ADGRG4: variants seen among roughly 807,000 people sequenced by gnomAD.
The protein encoded by ADGRG4 is G protein-coupled receptor 112.
In ADGRG4, 122 loss-of-function variants were observed where a neutral mutation model predicts 126.2. The ratio of observed to expected loss-of-function variants is 0.97; its 90% CI spans 0.83 to 1.12. The LOEUF (loss-of-function observed/expected upper bound fraction) is 1.12, where lower values mean the gene tolerates loss of function less well. Among genes scored for constraint, ADGRG4 ranks in the 50% most tolerant of loss-of-function variants. ADGRG4 has a pLI of 0.00. For missense variants in ADGRG4, 2,481 were observed against 2,251.8 expected (o/e 1.10, Z -2.06); for synonymous variants, 943 against 838.7 (o/e 1.12, Z -2.15).
chrX:136,375,041 C>T (rs1454711759), intron 15 of ADGRG4, among the ~76,000 whole-genome samples: 3 of 110,632 alleles, frequency 2.7e-5, no homozygotes, highest in Non-Finnish European at 5.7e-5. Flanking sequence ...CCCCCCACCA[C>T]TCTTTCCCTT....
chrX:136,367,862 TCA>T (rs1428527958), intron 13 of ADGRG4, among the ~76,000 whole-genome samples: 1 of 112,695 alleles, frequency 8.9e-6, no homozygotes, highest in Non-Finnish European at 1.9e-5. Context: ...CTCTTTAATA[TCA>T]CAGAGTTAGA....
rs1298720705 is a variant in ADGRG4, at chrX:136,393,562, T to G, written c.8062T>G (p.Trp2688Gly). 1 of 1,204,340 alleles carries G rather than the reference T, an allele frequency of 8.3e-7. No individual in the cohort carries two copies. The highest frequency in any genetic ancestry group is 2.2e-5 in the Admixed American group (1 of 45,832). Residue 2688 changes from tryptophan (W) to glycine (G), a missense_variant, in exon 18 of 26, where the codon TGG becomes GGG. Physicochemically the swap from Trp to Gly is radical, Grantham distance 184. Coordinates refer to ENST00000394143, the MANE Select transcript of ADGRG4 (RefSeq NM_153834.4). The stretch of plus-strand genomic sequence containing the variant: ...TTATGGTCAAGTTCACTGTGCCTTT[T>G]GGGATTTTGAGAATAATAGTAAGTA... ...QNYGQVHCAF[W>G]DFENNNGLGG...
intron 14 of ADGRG4, 55 bp from the exon 15 acceptor site, chrX:136,372,847 A>G: frequency 5.3e-6 from 6 of 1,128,259 alleles, no homozygotes; most frequent in Non-Finnish European, 7.3e-6. Flanking sequence ...TGCAAGGAGG[A>G]TGGGTTTTAC....
chrX:136,308,486 C>G (rs1453940220), intron 3 of ADGRG4, among the ~76,000 whole-genome samples: 1 of 112,081 alleles, frequency 8.9e-6, no homozygotes, highest in African/African-American at 3.2e-5. Flanking sequence ...AGATGTGTGT[C>G]TTGTCTTCTC....
chrX:136,301,487 G>A (rs1358652191), intron 1 of ADGRG4, among the ~76,000 whole-genome samples: 1 of 111,561 alleles, frequency 9.0e-6, no homozygotes, highest in Non-Finnish European at 1.9e-5. Flanking sequence ...CTGGATATTA[G>A]CCCTTTGTCA....
At position 136,416,616 on chromosome X, in the gene ADGRG4, G is replaced by A. The variant is rs923487137; in HGVS notation, c.*125G>A. 7.0e-6 allele frequency: 3 copies of A among 430,042 alleles called. No individual in the cohort carries two copies. The African/African-American group carries it at 7.7e-5, about 11-fold the overall frequency. The allele number at this position is 430,042 out of a possible 1,213,427, so 35.4% of individuals were successfully genotyped here. ...ATCTCACAAATCACCACTAAATAAT[G>A]TACTCATGTAACCAAATGCTACCTG... On this transcript the variant is annotated 3_prime_UTR_variant, in exon 26 of 26. Coordinates refer to ENST00000394143, the MANE Select transcript of ADGRG4 (RefSeq NM_153834.4).
intron 16 of ADGRG4, among the ~76,000 whole-genome samples, chrX:136,388,403 A>C (rs1230448941): frequency 8.9e-6 from 1 of 111,911 alleles, no homozygotes; most frequent in Non-Finnish European, 1.9e-5. Flanking sequence ...AAGAGTGTGG[A>C]CTCAGGGGCA....
At position 136,408,139 on chromosome X, in the gene ADGRG4, C is replaced by A. The variant is rs527792888; in HGVS notation, c.8935+2167C>A. Among the ~76,000 whole-genome samples, 5 of 111,979 alleles carry A rather than the reference C, an allele frequency of 4.5e-5. No individual in the cohort carries two copies. The South Asian group carries it at 1.9e-3, about 42-fold the overall frequency. ...GGAGGGGCAGGGGTGTTTTCAAAAC[C>A]ACTCTTATGGTGGAAAGTAGCATCT... On this transcript the variant is annotated intron_variant, in intron 23 of 25. Coordinates refer to ENST00000394143, the MANE Select transcript of ADGRG4 (RefSeq NM_153834.4).
chrX:136,372,839 C>G, intron 14 of ADGRG4, 63 bp from the exon 15 acceptor site: 1 of 1,090,374 alleles, frequency 9.2e-7, no homozygotes, highest in African/African-American at 1.8e-5. Context: ...GGAAATCTTG[C>G]AAGGAGGATG....
At chrX:136,307,611 T>A (rs190395284) in intron 3 of ADGRG4, among the ~76,000 whole-genome samples, 1 of 112,810 alleles carries the variant, frequency 8.9e-6, no homozygotes, top group African/African-American at 3.2e-5. Flanking sequence ...ACTTCCTAAT[T>A]GGCTTCTGTT....
intron 21 of ADGRG4, among the ~76,000 whole-genome samples, chrX:136,402,568 T>C (rs2075384749): frequency 8.9e-6 from 1 of 111,887 alleles, no homozygotes; most frequent in South Asian, 3.7e-4. Flanking sequence ...TGTAGGTGCA[T>C]GCGCTTAGTC....
At chrX:136,351,827 C>G (rs1383248554) in intron 7 of ADGRG4, among the ~76,000 whole-genome samples, 2 of 110,869 alleles carry the variant, frequency 1.8e-5, no homozygotes, top group Non-Finnish European at 3.8e-5. Flanking sequence ...GACACAAATT[C>G]TGAGTCTTTG....
intron 5 of ADGRG4, among the ~76,000 whole-genome samples, chrX:136,334,519 T>C (rs1161395889): frequency 1.8e-5 from 2 of 112,216 alleles, no homozygotes; most frequent in East Asian, 2.8e-4. Context: ...TTGGATTATA[T>C]CTGTATATCA....
chrX:136,351,457 C>T lies in ADGRG4; in HGVS notation c.6738C>T (p.Tyr2246=). ...PTATKSTVSF[Y]NVEMSFSVFV... Reference sequence around the variant, plus strand: ...TATTTTTAATTACAGTTTCCTTCTACAATGTTGAAATGAGCTTCTCTGTCT... The same window carrying T: ...TATTTTTAATTACAGTTTCCTTCTATAATGTTGAAATGAGCTTCTCTGTCT... Residue 2246 remains tyrosine, a synonymous_variant, in exon 7 of 26, where the codon TAC becomes TAT. Coordinates refer to ENST00000394143, the MANE Select transcript of ADGRG4 (RefSeq NM_153834.4). 8.9e-7 allele frequency: 1 copy of T among 1,118,228 alleles called. No individual in the cohort carries two copies. The highest frequency in any genetic ancestry group is 1.2e-6 in the Non-Finnish European group (1 of 830,386). 92.2% of individuals were successfully genotyped at this position (1,118,228 alleles called of 1,213,427 possible). A position where few individuals can be genotyped will look rare whatever the true frequency, so the allele number is the denominator to read the frequency against.
At chrX:136,363,429 A>G in intron 12 of ADGRG4, 48 bp from the exon 13 acceptor site, 4 of 852,784 alleles carry the variant, frequency 4.7e-6, no homozygotes, top group Admixed American at 2.2e-5. Flanking sequence ...CTTTAAGACT[A>G]TCTTTGCCTC....
intron 25 of ADGRG4, among the ~76,000 whole-genome samples, chrX:136,414,721 C>T (rs1293539094): frequency 8.9e-6 from 1 of 112,422 alleles, no homozygotes; most frequent in Non-Finnish European, 1.9e-5. Context: ...AAGGAAAATG[C>T]CTTATTGACA....
chrX:136,360,229 A>C, intron 11 of ADGRG4, among the ~76,000 whole-genome samples: 1 of 111,696 alleles, frequency 9.0e-6, no homozygotes, highest in Non-Finnish European at 1.9e-5. Flanking sequence ...GGAGACTGGG[A>C]TAGCTGAGCA....
At chrX:136,391,090 G>C (rs897433735) in intron 16 of ADGRG4, among the ~76,000 whole-genome samples, 1 of 111,282 alleles carries the variant, frequency 9.0e-6, no homozygotes, top group Non-Finnish European at 1.9e-5. Context: ...TGGAGCCCCA[G>C]GCTGAATTTG....
In ADGRG4 at chrX:136,345,035, C is replaced by T. The variant is rs749064564; in HGVS notation, c.1329C>T (p.Ala443=). 23 of 1,209,355 alleles carry T rather than the reference C, an allele frequency of 1.9e-5. No individual in the cohort carries two copies. The highest frequency in any genetic ancestry group is 1.1e-4 in the South Asian group (6 of 56,805). Residue 443 remains alanine, a synonymous_variant, in exon 6 of 26, where the codon GCC becomes GCT. Coordinates refer to ENST00000394143, the MANE Select transcript of ADGRG4 (RefSeq NM_153834.4). ...AGGAGTTCATTGAATCTACAGCTGCCGGAACTGTACCTTGGTTTACAGTGG... is the reference window on the plus strand; with the variant it reads ...AGGAGTTCATTGAATCTACAGCTGCTGGAACTGTACCTTGGTTTACAGTGG... ...AGQEFIESTA[A]GTVPWFTVEK...
Sources: allele counts gnomAD v4.1 joint callset (sites outside exome capture counted in the v4.1 genomes callset), GRCh38; gene constraint gnomAD v4.1.1; transcripts MANE v1.5; gene names NCBI Gene and HGNC (gene_info 2026-07-23, HGNC 2026-07-21).